The following ANP32B variants were observed in gnomAD, a reference collection of about 807,000 sequenced individuals.
The protein encoded by ANP32B is acidic nuclear phosphoprotein 32 family member B.
ANP32B carries 6 observed loss-of-function variants against 32.2 expected under a neutral mutation model. The ratio of observed to expected loss-of-function variants is 0.19; its 90% CI spans 0.10 to 0.37. The LOEUF is 0.37. Ranked by LOEUF, ANP32B falls within the 10% of genes least tolerant of loss-of-function variation. ANP32B has a pLI of 1.00. For synonymous variants in ANP32B, 98 were observed against 105.8 expected (o/e 0.93, Z 0.45); for missense variants, 204 against 289.2 (o/e 0.71, Z 2.14).
intron 1 of ANP32B, chr9:97,984,558 G>C (rs1188229827): frequency 7.1e-6 from 1 of 140,756 alleles, no homozygotes; most frequent in African/African-American, 2.7e-5. Context: ...CAGCCGGGGC[G>C]CGCCACAGGC....
chr9:98,002,117 G>T (rs1413716170), intron 3 of ANP32B, among the ~76,000 whole-genome samples: 4 of 152,190 alleles, frequency 2.6e-5, no homozygotes, highest in African/African-American at 7.2e-5. Flanking sequence ...GAAGGTGAAG[G>T]GGGGAAGAGT....
intron 5 of ANP32B, among the ~76,000 whole-genome samples, chr9:98,012,217 A>AT (rs1016710970): frequency 6.6e-5 from 10 of 152,098 alleles, no homozygotes; most frequent in African/African-American, 2.4e-4. Flanking sequence ...TCTAAAAAAA[A>AT]TTTTTCTTAG....
intron 1 of ANP32B, among the ~76,000 whole-genome samples, chr9:97,989,564 T>A (rs1391444152): frequency 6.6e-6 from 1 of 152,162 alleles, no homozygotes; most frequent in Non-Finnish European, 1.5e-5. Context: ...TGCCTAACTT[T>A]CTTCATTAGA....
intron 1 of ANP32B, 106 bp downstream of exon 1, chr9:97,983,715 A>G: frequency 1.1e-6 from 1 of 876,310 alleles, no homozygotes. Context: ...CGCGGGGAAG[A>G]GCGCAGCTCG....
Position 97,983,386 on chromosome 9 carries a change from C to T in ANP32B, c.-170C>T, listed in dbSNP as rs1165149541. On this transcript the variant is annotated 5_prime_UTR_variant, in exon 1 of 7. Coordinates refer to ENST00000339399, the MANE Select transcript of ANP32B (RefSeq NM_006401.3). Reference sequence around the variant, plus strand: ...CTCCGCTCCCGTGAGTAACTTGGCTCCGGGGGCTCCGCTCGCCTGCCCGCA... The same window carrying T: ...CTCCGCTCCCGTGAGTAACTTGGCTTCGGGGGCTCCGCTCGCCTGCCCGCA... The T allele has an allele frequency of 3.3e-5, 19 of 572,970 alleles. No individual in the cohort carries two copies. Among genetic ancestry groups the T allele is most frequent in the Non-Finnish European group, 5.2e-5 (17 of 324,790 alleles). The allele number at this position is 572,970 out of a possible 1,614,324, so 35.5% of individuals were successfully genotyped here.
rs3739672 is a variant in ANP32B at position 97,983,620 on chromosome 9, A to T, written c.54+11A>T. ...CGGACCCCGGCAGCTGTAAGCAGAG[A>T]CCCCTCTGGGTGCCCTCTCCCCCGA... On this transcript the variant is annotated intron_variant, in intron 1 of 6. Transcript: ENST00000339399. 1.3e-6 allele frequency: 2 copies of T among 1,559,784 alleles called. No homozygotes were observed. Among genetic ancestry groups the T allele is most frequent in the Non-Finnish European group, 1.7e-6 (2 of 1,153,470 alleles).
intron 1 of ANP32B, among the ~76,000 whole-genome samples, chr9:97,993,398 T>C (rs759405156): frequency 2.6e-5 from 4 of 152,228 alleles, no homozygotes; most frequent in Non-Finnish European, 5.9e-5. Context: ...TTTCAGACTG[T>C]CAGCATCTCC....
chr9:98,001,214 C>T (rs1462431189), intron 3 of ANP32B, among the ~76,000 whole-genome samples: 3 of 143,368 alleles, frequency 2.1e-5, no homozygotes, highest in Non-Finnish European at 3.0e-5. Flanking sequence ...TTTTTTTAGA[C>T]GGAGTCTCGC....
chr9:97,984,819 C>G (rs1378021172), intron 1 of ANP32B: 1 of 150,484 alleles, frequency 6.6e-6, no homozygotes, highest in Non-Finnish European at 1.5e-5. Context: ...AGGGCAACGG[C>G]AGGCGGCCGC....
At chr9:97,994,089 T>A (rs1037526838) in intron 1 of ANP32B, among the ~76,000 whole-genome samples, 3 of 152,268 alleles carry the variant, frequency 2.0e-5, no homozygotes, top group African/African-American at 7.2e-5. Context: ...TCTTGCATCC[T>A]GATTTTTTTT....
rs752429549 is a variant in ANP32B, at chr9:97,983,513, C to G, written c.-43C>G. 9.2e-6 allele frequency: 14 copies of G among 1,528,934 alleles called. No homozygotes were observed. The highest frequency in any genetic ancestry group is 2.0e-5 in the Admixed American group (1 of 50,072). The allele number at this position is 1,528,934 out of a possible 1,614,324, so 94.7% of individuals were successfully genotyped here. A position where few individuals can be genotyped will look rare whatever the true frequency, so the allele number is the denominator to read the frequency against. On this transcript the variant is annotated 5_prime_UTR_variant, in exon 1 of 7. Transcript: ENST00000339399. Reference sequence around the variant, plus strand: ...CGGGACGCCTCTCCCCCCTCCGCCCCCGCCGCGGAAAGTTAAGTTTGAAGA... The same window carrying G: ...CGGGACGCCTCTCCCCCCTCCGCCCGCGCCGCGGAAAGTTAAGTTTGAAGA...
At chr9:98,011,641 G>A (rs561989504) in intron 5 of ANP32B, among the ~76,000 whole-genome samples, 1 of 152,278 alleles carries the variant, frequency 6.6e-6, no homozygotes, top group South Asian at 2.1e-4. Flanking sequence ...CTGGGGGAAG[G>A]AATGAATTGA....
intron 6 of ANP32B, 50 bp downstream of exon 6, chr9:98,012,522 A>G: frequency 1.2e-6 from 2 of 1,604,554 alleles, no homozygotes; most frequent in Non-Finnish European, 1.7e-6. Flanking sequence ...AATTAGAGAA[A>G]AACATCCATT....
In ANP32B at chr9:97,994,798, A is replaced by G. The variant is rs779462378; in HGVS notation, c.204+18A>G. The G allele has an allele frequency of 6.3e-7, 1 of 1,578,346 alleles. No individual in the cohort carries two copies. The highest frequency in any genetic ancestry group is 8.6e-7 in the Non-Finnish European group (1 of 1,165,210). On this transcript the variant is annotated intron_variant, in intron 2 of 6. Transcript: ENST00000339399. Reference sequence around the variant, plus strand: ...TGAAAAAGGTAAGTGCTTTTTCTTTAACAGTAAAAGAGAACGATCCTGGGA... The same window carrying G: ...TGAAAAAGGTAAGTGCTTTTTCTTTGACAGTAAAAGAGAACGATCCTGGGA...
chr9:97,994,964 C>T (rs955201862), intron 2 of ANP32B, among the ~76,000 whole-genome samples, 184 bp downstream of exon 2: 6 of 152,166 alleles, frequency 3.9e-5, no homozygotes, highest in Non-Finnish European at 7.3e-5. Flanking sequence ...TACTTAATCT[C>T]TCTAAGGCCC....
intron 5 of ANP32B, among the ~76,000 whole-genome samples, chr9:98,012,124 T>A (rs537033383): frequency 3.9e-5 from 6 of 152,224 alleles, no homozygotes; most frequent in Admixed American, 6.5e-5. Context: ...TAAATCTGTT[T>A]TGAAATTTGA....
intron 3 of ANP32B, among the ~76,000 whole-genome samples, chr9:98,004,420 T>C (rs1011094590): frequency 6.6e-6 from 1 of 152,216 alleles, no homozygotes; most frequent in Non-Finnish European, 1.5e-5. Flanking sequence ...GACTCCTGTC[T>C]TCCCTGAAAG....
At chr9:98,012,622 A>AGT in intron 6 of ANP32B, 150 bp downstream of exon 6, 1 of 1,240,576 alleles carries the variant, frequency 8.1e-7, no homozygotes. Context: ...TCGTCCCATC[A>AGT]GTGTGTCTGT....
intron 5 of ANP32B, among the ~76,000 whole-genome samples, chr9:98,012,101 A>G (rs1828195358): frequency 6.6e-6 from 1 of 152,244 alleles, no homozygotes; most frequent in East Asian, 1.9e-4. Flanking sequence ...AATGGGATAT[A>G]GAAATTTTTG....
Sources: allele counts gnomAD v4.1 joint callset (sites outside exome capture counted in the v4.1 genomes callset), GRCh38; gene constraint gnomAD v4.1.1; transcripts MANE v1.5; gene names NCBI Gene and HGNC (gene_info 2026-07-23, HGNC 2026-07-21).